Variants in DDC observed in about 807,000 individuals in gnomAD.
DDC encodes dopa decarboxylase.
Under a neutral mutation model 60.0 loss-of-function variants are expected in DDC, and 43 were observed. The ratio of observed to expected loss-of-function variants is 0.72; its 90% CI spans 0.56 to 0.92. The LOEUF is 0.92. Ranked by LOEUF, DDC falls within the 40% of genes least tolerant of loss-of-function variation. The pLI is 0.00. For missense variants in DDC, 573 were observed against 620.2 expected (o/e 0.92, Z 0.81); for synonymous variants, 232 against 234.6 (o/e 0.99, Z 0.10).
chr7:50,471,186 G>A (rs2042522379), intron 11 of DDC, among the ~76,000 whole-genome samples: 1 of 152,184 alleles, frequency 6.6e-6, no homozygotes, highest in African/African-American at 2.4e-5. Flanking sequence ...GAGGTCGGGA[G>A]TTTGAGACCA....
At chr7:50,464,704 T>C (rs2042356823) in intron 13 of DDC, among the ~76,000 whole-genome samples, 1 of 152,028 alleles carries the variant, frequency 6.6e-6, no homozygotes, top group Non-Finnish European at 1.5e-5. Context: ...GTAGGCTGAG[T>C]GCACACAGAT....
intron 10 of DDC, among the ~76,000 whole-genome samples, chr7:50,479,266 G>A (rs1029958396): frequency 2.0e-5 from 3 of 152,132 alleles, no homozygotes; most frequent in Non-Finnish European, 4.4e-5. Flanking sequence ...TGTCACCAGC[G>A]CCAGGCACAG....
intron 1 of DDC, among the ~76,000 whole-genome samples, chr7:50,548,896 C>T (rs2044891520): frequency 6.6e-6 from 1 of 152,202 alleles, no homozygotes; most frequent in South Asian, 2.1e-4. Flanking sequence ...AAGGGGGTAA[C>T]ACAGCTGGTG....
chr7:50,538,020 A>C, intron 3 of DDC, 41 bp from the exon 4 acceptor site: 1 of 1,613,950 alleles, frequency 6.2e-7, no homozygotes, highest in East Asian at 2.2e-5. Flanking sequence ...AGGGCCAGGC[A>C]TTGCAGAATT....
intron 11 of DDC, among the ~76,000 whole-genome samples, chr7:50,474,201 G>A (rs2153535049): frequency 6.6e-6 from 1 of 152,376 alleles, no homozygotes; most frequent in South Asian, 2.1e-4. Flanking sequence ...AACTAGTAGA[G>A]ATAACTAGTT....
chr7:50,520,337 C>G (rs2043856783), intron 6 of DDC, among the ~76,000 whole-genome samples: 1 of 152,086 alleles, frequency 6.6e-6, no homozygotes, highest in Admixed American at 6.5e-5. Flanking sequence ...TGCTCTCAGA[C>G]TGCATTGGAA....
chr7:50,517,976 G>A (rs1401483134), intron 6 of DDC, among the ~76,000 whole-genome samples: 4 of 152,046 alleles, frequency 2.6e-5, no homozygotes, highest in Admixed American at 6.5e-5. Flanking sequence ...TTGGGAGGCT[G>A]AGATGGGCGG....
chr7:50,480,885 T>A (rs1427727456), intron 9 of DDC, among the ~76,000 whole-genome samples: 1 of 152,152 alleles, frequency 6.6e-6, no homozygotes, highest in African/African-American at 2.4e-5. Context: ...GCACTCACAC[T>A]GGTAGTCATT....
chr7:50,516,892 C>G (rs1161340373), intron 6 of DDC, among the ~76,000 whole-genome samples: 2 of 151,596 alleles, frequency 1.3e-5, no homozygotes, highest in Non-Finnish European at 2.9e-5. Context: ...GAATTAGATA[C>G]CCTCAACAGA....
At chr7:50,515,905 C>G (rs117017661) in intron 6 of DDC, among the ~76,000 whole-genome samples, 2,582 of 152,254 alleles carry the variant, frequency 0.017, 27 homozygotes, top group Middle Eastern at 0.027. Context: ...GTGCCTATTA[C>G]TAGAGTTCCC....
intron 6 of DDC, among the ~76,000 whole-genome samples, chr7:50,509,252 A>C (rs1585204447): frequency 1.3e-5 from 2 of 152,308 alleles, no homozygotes; most frequent in Non-Finnish European, 2.9e-5. Context: ...CAATTGGCCC[A>C]CATCTGTGGC....
chr7:50,521,514 A>G (rs534570350), intron 6 of DDC, among the ~76,000 whole-genome samples: 5 of 152,326 alleles, frequency 3.3e-5, no homozygotes, highest in African/African-American at 1.2e-4. Context: ...AAAATTCTCA[A>G]CAAAATATTA....
At chr7:50,536,882 T>C (rs1206963104) in intron 4 of DDC, among the ~76,000 whole-genome samples, 1 of 152,208 alleles carries the variant, frequency 6.6e-6, no homozygotes, top group African/African-American at 2.4e-5. Flanking sequence ...TCACCAATTC[T>C]CAGAGCCTTG....
chr7:50,514,138 A>G (rs2043662731), intron 6 of DDC, among the ~76,000 whole-genome samples: 1 of 152,156 alleles, frequency 6.6e-6, no homozygotes, highest in Non-Finnish European at 1.5e-5. Flanking sequence ...ACCCATAAAT[A>G]GTTCACACTG....
intron 1 of DDC, among the ~76,000 whole-genome samples, chr7:50,558,753 A>G (rs2045262654): frequency 6.6e-6 from 1 of 152,196 alleles, no homozygotes; most frequent in Non-Finnish European, 1.5e-5. Flanking sequence ...CTCCACTGTC[A>G]GCTGCCTGTG....
Position 50,483,646 on chromosome 7 carries a change from T to C in DDC, c.945-3783A>G, listed in dbSNP as rs147478566. 2.2e-3 allele frequency among the ~76,000 whole-genome samples: 328 copies of C among 152,270 alleles called. 1 individual carries two copies. Among genetic ancestry groups the C allele is most frequent in the African/African-American group, 7.6e-3 (317 of 41,544 alleles). On this transcript the variant is annotated intron_variant, in intron 9 of 14. Coordinates refer to ENST00000444124, the MANE Select transcript of DDC (RefSeq NM_001082971.2). ...GGCCATGTGCAGTGGCTCACACCTGTAATCCCAGCACTTTGGGAGGCCGAG... is the reference window on the plus strand; with the variant it reads ...GGCCATGTGCAGTGGCTCACACCTGCAATCCCAGCACTTTGGGAGGCCGAG...
chr7:50,532,535 A>C (rs1017017980), intron 4 of DDC, among the ~76,000 whole-genome samples: 1 of 152,194 alleles, frequency 6.6e-6, no homozygotes, highest in Non-Finnish European at 1.5e-5. Context: ...TTTTGCTGCT[A>C]TGCATGTTCT....
chr7:50,463,487 A>G, intron 13 of DDC, 56 bp from the exon 14 acceptor site: 1 of 1,477,614 alleles, frequency 6.8e-7, no homozygotes, highest in Non-Finnish European at 9.5e-7. Context: ...TCAAAAATCA[A>G]CTGGTCATGT....
chr7:50,486,131 C>A (rs1249226425), intron 9 of DDC, among the ~76,000 whole-genome samples: 1 of 152,176 alleles, frequency 6.6e-6, no homozygotes, highest in African/African-American at 2.4e-5. Flanking sequence ...ACAGCTTGAA[C>A]AAAAGTGACC....
Sources: allele counts gnomAD v4.1 joint callset (sites outside exome capture counted in the v4.1 genomes callset), GRCh38; gene constraint gnomAD v4.1.1; transcripts MANE v1.5; gene names NCBI Gene and HGNC (gene_info 2026-07-23, HGNC 2026-07-21).